The following CLEC16A variants were observed in gnomAD, a reference collection of about 807,000 sequenced individuals.
The protein encoded by CLEC16A is C-type lectin domain containing 16A, also known as protein CLEC16A.
In CLEC16A, 51 loss-of-function variants were observed where a neutral mutation model predicts 109.5. The ratio of observed to expected loss-of-function variants is 0.47; its 90% CI spans 0.37 to 0.59. CLEC16A has a LOEUF of 0.59. Ranked by LOEUF, CLEC16A falls within the 20% of genes least tolerant of loss-of-function variation. The pLI, the probability that CLEC16A is intolerant of heterozygous loss-of-function variation, is 0.00. For missense variants in CLEC16A, 1,339 were observed against 1,394.0 expected (o/e 0.96, Z 0.63); for synonymous variants, 673 against 564.2 (o/e 1.19, Z -2.73).
At chr16:11,143,347 C>A (rs1217251512) in intron 22 of CLEC16A, among the ~76,000 whole-genome samples, 1 of 152,174 alleles carries the variant, frequency 6.6e-6, no homozygotes, top group Non-Finnish European at 1.5e-5. Flanking sequence ...GTAGGGATGG[C>A]ACCAGGTTCC....
At chr16:11,008,070 GCA>G (rs1488927314) in intron 11 of CLEC16A, among the ~76,000 whole-genome samples, 1 of 152,120 alleles carries the variant, frequency 6.6e-6, no homozygotes, top group Admixed American at 6.6e-5. Context: ...AGCACTTAGC[GCA>G]CACACTCTCG....
At chr16:11,123,693 C>A in intron 20 of CLEC16A, 49 bp from the exon 21 acceptor site, 2 of 1,583,362 alleles carry the variant, frequency 1.3e-6, no homozygotes, top group Non-Finnish European at 1.7e-6. Context: ...CCTAGCCACC[C>A]TCCTCCCAAA....
chr16:10,989,246 G>C (rs2043854463), intron 10 of CLEC16A, among the ~76,000 whole-genome samples: 1 of 151,728 alleles, frequency 6.6e-6, no homozygotes, highest in African/African-American at 2.4e-5. Context: ...TTTGAGACAG[G>C]ATCTCGCGTT....
intron 13 of CLEC16A, chr16:11,027,154 G>A: frequency 7.0e-7 from 1 of 1,436,000 alleles, no homozygotes; most frequent in South Asian, 1.1e-5. Context: ...CAGAAGAAAG[G>A]AAAAGGGCTC....
intron 22 of CLEC16A, among the ~76,000 whole-genome samples, chr16:11,148,409 C>G (rs913750558): frequency 6.6e-6 from 1 of 152,170 alleles, no homozygotes; most frequent in African/African-American, 2.4e-5. Flanking sequence ...GGCACTAGAA[C>G]TTGACAATAC....
chr16:11,027,170 T>G, intron 13 of CLEC16A: 14 of 1,404,930 alleles, frequency 1.0e-5, no homozygotes, highest in Non-Finnish European at 1.4e-5. Context: ...GGCTCAGGTT[T>G]AAGCTACTGG....
chr16:10,998,445 C>G (rs1324392472), intron 10 of CLEC16A, among the ~76,000 whole-genome samples: 3 of 152,168 alleles, frequency 2.0e-5, no homozygotes, highest in African/African-American at 7.2e-5. Context: ...AAACCTGTGG[C>G]ATTTGGGACA....
intron 15 of CLEC16A, 68 bp downstream of exon 15, chr16:11,042,431 G>C: frequency 7.8e-7 from 1 of 1,282,922 alleles, no homozygotes; most frequent in Non-Finnish European, 1.1e-6. Context: ...GAGGGAAGCT[G>C]CTGGCATCCA....
intron 23 of CLEC16A, among the ~76,000 whole-genome samples, chr16:11,168,577 C>T (rs987343506): frequency 1.7e-4 from 26 of 152,230 alleles, no homozygotes; most frequent in Admixed American, 1.7e-3. Context: ...GGGCTTTACT[C>T]TTACAGATGC....
chr16:11,143,987 C>T (rs543949215), intron 22 of CLEC16A, among the ~76,000 whole-genome samples: 7 of 152,222 alleles, frequency 4.6e-5, no homozygotes, highest in Non-Finnish European at 1.0e-4. Context: ...AGAGGCCTGC[C>T]AGAAGGATCA....
At chr16:11,061,050 G>A (rs1015126933) in intron 19 of CLEC16A, 28 bp downstream of exon 19, 2 of 1,581,448 alleles carry the variant, frequency 1.3e-6, no homozygotes, top group African/African-American at 2.7e-5. Context: ...AGTCACAGCA[G>A]GGGGCTGGGG....
Position 11,025,536 on chromosome 16 carries a change from C to T in CLEC16A, c.1537+615C>T, listed in dbSNP as rs74457498. On this transcript the variant is annotated intron_variant, in intron 13 of 23. Coordinates refer to ENST00000409790, the MANE Select transcript of CLEC16A (RefSeq NM_015226.3). ...CTGTTGTTTGCCCCACCTGGCTTGA[C>T]ATGGGCACGTTCTGAAACCTCCACA... 6.4e-4 allele frequency among the ~76,000 whole-genome samples: 98 copies of T among 152,306 alleles called. No homozygotes were observed. The East Asian group carries it at 0.017, about 27-fold the overall frequency.
At chr16:10,965,717 GA>G (rs1160631846) in intron 3 of CLEC16A, among the ~76,000 whole-genome samples, 1 of 152,206 alleles carries the variant, frequency 6.6e-6, no homozygotes, top group Non-Finnish European at 1.5e-5. Context: ...GGGTTTATTA[GA>G]AAAGGATACC....
At chr16:11,159,828 G>C (rs1465695136) in intron 22 of CLEC16A, among the ~76,000 whole-genome samples, 1 of 152,142 alleles carries the variant, frequency 6.6e-6, no homozygotes, top group East Asian at 1.9e-4. Flanking sequence ...TTATTGTCGG[G>C]TTCTTATTTA....
intron 23 of CLEC16A, among the ~76,000 whole-genome samples, chr16:11,167,567 T>A (rs2068322494): frequency 6.6e-6 from 1 of 152,064 alleles, no homozygotes; most frequent in African/African-American, 2.4e-5. Context: ...CACCTACACC[T>A]CTCTCTTGGG....
chr16:10,944,660 G>GCCGCTCTGCTGGT lies in CLEC16A; in HGVS notation c.-54_-42dup. The GCCGCTCTGCTGGT allele has an allele frequency of 2.0e-6, 3 of 1,515,712 alleles. No individual in the cohort carries two copies. Among genetic ancestry groups the GCCGCTCTGCTGGT allele is most frequent in the Non-Finnish European group, 2.7e-6 (3 of 1,112,068 alleles). The allele number at this position is 1,515,712 out of a possible 1,614,324, so 93.9% of individuals were successfully genotyped here. On this transcript the variant is annotated 5_prime_UTR_variant, in exon 1 of 24. Transcript: ENST00000409790. ...CTTGTGCTACCGCCGCGGGCGCTGGGCCGCTCTGCTGGTCCGGCATGAGAC... is the reference window on the plus strand; with the variant it reads ...CTTGTGCTACCGCCGCGGGCGCTGGGCCGCTCTGCTGGTCCGCTCTGCTGGTCCGGCATGAGAC...
intron 22 of CLEC16A, among the ~76,000 whole-genome samples, chr16:11,162,471 T>G (rs2054758162): frequency 6.6e-6 from 1 of 151,984 alleles, no homozygotes; most frequent in African/African-American, 2.4e-5. Context: ...ACAATAGGAG[T>G]CTTGGAAAAT....
At chr16:11,004,107 C>T (rs1287106664) in intron 11 of CLEC16A, among the ~76,000 whole-genome samples, 2 of 152,012 alleles carry the variant, frequency 1.3e-5, no homozygotes, top group Admixed American at 6.6e-5. Context: ...TACGTATGTG[C>T]TCTGTAAGCA....
rs2068659695 is a variant in CLEC16A, at chr16:11,174,414, C to G, written c.2807-3921C>G. 1 of 353,994 alleles carries G rather than the reference C, an allele frequency of 2.8e-6. No individual in the cohort carries two copies. Among genetic ancestry groups the G allele is most frequent in the African/African-American group, 2.1e-5 (1 of 46,796 alleles). 21.9% of individuals were successfully genotyped at this position (353,994 alleles called of 1,614,324 possible). On this transcript the variant is annotated intron_variant, in intron 23 of 23. Coordinates refer to ENST00000409790, the MANE Select transcript of CLEC16A (RefSeq NM_015226.3). This position sits in a 1 kb window ranked among gnomAD's most constrained non-coding sequence, Gnocchi z 4.7. ...AGCCATTTGCCAAGGCGGCACTTCCCCATTTTCCCCCAAAGTTGGTTCTCC... is the reference window on the plus strand; with the variant it reads ...AGCCATTTGCCAAGGCGGCACTTCCGCATTTTCCCCCAAAGTTGGTTCTCC...
Sources: allele counts gnomAD v4.1 joint callset (sites outside exome capture counted in the v4.1 genomes callset), GRCh38; gene constraint gnomAD v4.1.1; non-coding constraint Gnocchi (gnomAD v3.1); transcripts MANE v1.5; gene names NCBI Gene and HGNC (gene_info 2026-07-23, HGNC 2026-07-21).